Variants in CADM1 observed in about 807,000 individuals in gnomAD.
CADM1 encodes the protein cell adhesion molecule 1, also known as TSLC-1.
A neutral mutation model predicts 53.1 loss-of-function variants in CADM1; 15 were observed. That is an observed-to-expected ratio of 0.28 (90% CI 0.19 to 0.44). The LOEUF (loss-of-function observed/expected upper bound fraction) is 0.44, where lower values mean the gene tolerates loss of function less well. Among genes scored for constraint, CADM1 ranks in the 20% least tolerant of loss-of-function variants. The pLI, the probability that CADM1 is intolerant of heterozygous loss-of-function variation, is 1.00. For missense variants in CADM1, 434 were observed against 611.3 expected, an observed-to-expected ratio of 0.71 and a Z score of 3.06; for synonymous variants, 281 against 243.0, an observed-to-expected ratio of 1.16 and a Z score of -1.45.
intron 9 of CADM1, among the ~76,000 whole-genome samples, chr11:115,194,371 G>A (rs1006461681): frequency 1.3e-5 from 2 of 152,196 alleles, no homozygotes; most frequent in Non-Finnish European, 2.9e-5. Context: ...ATTTATAAAC[G>A]AGTCAGGAAA....
At chr11:115,232,460 A>G (rs1048527514) in intron 3 of CADM1, among the ~76,000 whole-genome samples, 2 of 152,226 alleles carry the variant, frequency 1.3e-5, no homozygotes, top group African/African-American at 4.8e-5. Context: ...CATATTCTGA[A>G]TTCCAGTGCT....
intron 1 of CADM1, among the ~76,000 whole-genome samples, chr11:115,254,593 CAG>C (rs780838513): frequency 0.086 from 11,710 of 136,050 alleles, 567 homozygotes; most frequent in South Asian, 0.19. Context: ...CACACACACA[CAG>C]AGACAACAAA....
At chr11:115,369,729 T>C (rs1199343671) in intron 1 of CADM1, among the ~76,000 whole-genome samples, 1 of 152,150 alleles carries the variant, frequency 6.6e-6, no homozygotes, top group African/African-American at 2.4e-5. Context: ...ATTTCTCAAT[T>C]CTTTAATATC....
At position 115,247,842 on chromosome 11, in the gene CADM1, T is replaced by C. The variant is rs140429328; in HGVS notation, c.125-7422A>G. 6.4e-4 allele frequency among the ~76,000 whole-genome samples: 98 copies of C among 152,310 alleles called. 2 individuals carry two copies. The East Asian group carries it at 0.014, about 21-fold the overall frequency. ...AGCTATAAGGCCAACAAAACTTACC[T>C]AGTGAATAGATTTTTGACAATTCCG... On this transcript the variant is annotated intron_variant, in intron 1 of 11. Transcript: ENST00000331581.
rs537825522 is a variant in CADM1 at position 115,203,438 on chromosome 11, T to C, written c.1079-5000A>G. Among the ~76,000 whole-genome samples the C allele has an allele frequency of 5.3e-5, 8 of 152,298 alleles. No homozygotes were observed. In the South Asian group the frequency reaches 1.7e-3, roughly 32 times the overall value. ...AGACAGGAAAGAGGCTCTCTGTAAGTTGTAGCACATTTTTAAGTCTTGGCA... is the reference window on the plus strand; with the variant it reads ...AGACAGGAAAGAGGCTCTCTGTAAGCTGTAGCACATTTTTAAGTCTTGGCA... On this transcript the variant is annotated intron_variant, in intron 8 of 11. Coordinates refer to ENST00000331581, the MANE Select transcript of CADM1 (RefSeq NM_001301043.2).
At chr11:115,223,264 C>A (rs1439572371) in intron 5 of CADM1, among the ~76,000 whole-genome samples, 2 of 152,202 alleles carry the variant, frequency 1.3e-5, no homozygotes, top group African/African-American at 4.8e-5. Flanking sequence ...TTCTGCTTTA[C>A]ATATTTCCAC....
At chr11:115,229,033 T>C (rs992507986) in intron 5 of CADM1, 80 bp downstream of exon 5, 3 of 1,252,918 alleles carry the variant, frequency 2.4e-6, no homozygotes, top group Non-Finnish European at 3.5e-6. Context: ...ATAAAATGAA[T>C]GCATTGAATA....
chr11:115,197,707 A>G (rs1940224283), intron 9 of CADM1, among the ~76,000 whole-genome samples: 2 of 152,142 alleles, frequency 1.3e-5, no homozygotes, highest in Admixed American at 6.5e-5. Context: ...CCACACACAC[A>G]CCAGTAACTT....
At chr11:115,202,435 AT>A (rs559062550) in intron 8 of CADM1, among the ~76,000 whole-genome samples, 12 of 152,152 alleles carry the variant, frequency 7.9e-5, no homozygotes, top group African/African-American at 1.2e-4. Flanking sequence ...AACCTTAAAT[AT>A]TTTTTCCCCC....
chr11:115,305,892 C>T (rs1386732216), intron 1 of CADM1, among the ~76,000 whole-genome samples: 1 of 107,598 alleles, frequency 9.3e-6, no homozygotes, highest in Non-Finnish European at 1.7e-5. Context: ...CAGAGCGAGA[C>T]TCCATCTCAA....
chr11:115,240,861 G>T, intron 1 of CADM1: 1 of 216,974 alleles, frequency 4.6e-6, no homozygotes, highest in Admixed American at 5.2e-5. Flanking sequence ...AATAGAAGTA[G>T]GTAGGAGGGT....
At chr11:115,342,612 C>T (rs1277621950) in intron 1 of CADM1, among the ~76,000 whole-genome samples, 3 of 152,178 alleles carry the variant, frequency 2.0e-5, no homozygotes, top group African/African-American at 7.2e-5. Flanking sequence ...AAACACTATG[C>T]ATCATAGATA....
intron 1 of CADM1, among the ~76,000 whole-genome samples, chr11:115,264,748 C>T (rs760800366): frequency 1.3e-5 from 2 of 152,112 alleles, no homozygotes; most frequent in Non-Finnish European, 2.9e-5. Context: ...GTAACTGATG[C>T]GAGGATGAAA....
intron 4 of CADM1, among the ~76,000 whole-genome samples, chr11:115,230,847 C>T (rs10790068): frequency 0.78 from 119,184 of 152,192 alleles, 47,343 homozygotes; most frequent in Admixed American, 0.83. Context: ...ACCACTCTTG[C>T]AGGAAAGCAT....
At chr11:115,303,025 G>C (rs1330685688) in intron 1 of CADM1, among the ~76,000 whole-genome samples, 1 of 152,094 alleles carries the variant, frequency 6.6e-6, no homozygotes, top group Non-Finnish European at 1.5e-5. Flanking sequence ...AAAGTGCTTT[G>C]ATGAGCAGAG....
At chr11:115,225,248 G>GC (rs1941560548) in intron 5 of CADM1, among the ~76,000 whole-genome samples, 1 of 148,662 alleles carries the variant, frequency 6.7e-6, no homozygotes, top group Admixed American at 6.7e-5. Flanking sequence ...AGCGGCTAAT[G>GC]CCCCAGAAAA....
chr11:115,396,844 C>T (rs1314769629), intron 1 of CADM1: 1 of 151,880 alleles, frequency 6.6e-6, no homozygotes, highest in African/African-American at 2.4e-5. Flanking sequence ...TCTGTATAAG[C>T]GTTCTCTTTT....
chr11:115,446,903 G>GAGAC (rs1298550257), intron 1 of CADM1, among the ~76,000 whole-genome samples: 1 of 152,158 alleles, frequency 6.6e-6, no homozygotes, highest in African/African-American at 2.4e-5. Flanking sequence ...AACCCAATTT[G>GAGAC]AGACCCCTGG....
chr11:115,192,534 A>T (rs2134649854), intron 9 of CADM1, among the ~76,000 whole-genome samples: 1 of 152,346 alleles, frequency 6.6e-6, no homozygotes, highest in Admixed American at 6.5e-5. Context: ...AATAACTGTT[A>T]TAAATAGGCA....
Sources: allele counts gnomAD v4.1 joint callset (sites outside exome capture counted in the v4.1 genomes callset), GRCh38; gene constraint gnomAD v4.1.1; transcripts MANE v1.5; gene names NCBI Gene and HGNC (gene_info 2026-07-23, HGNC 2026-07-21).